Variants in SIL1 observed in about 807,000 individuals in gnomAD.
The protein encoded by SIL1 is nucleotide exchange factor SIL1.
Under a neutral mutation model 49.1 loss-of-function variants are expected in SIL1, and 40 were observed. The observed-to-expected ratio is 0.81, with a 90% CI of 0.63 to 1.06. The LOEUF (loss-of-function observed/expected upper bound fraction) is 1.06, where lower values mean the gene tolerates loss of function less well. Ranked by LOEUF, SIL1 falls within the 50% of genes least tolerant of loss-of-function variation. The probability of loss-of-function intolerance (pLI) is 0.00; values close to 1 mark genes in which losing one functional copy is unlikely to be tolerated. For synonymous variants in SIL1, 253 were observed against 250.8 expected, an observed-to-expected ratio of 1.01 and a Z score of -0.08; for missense variants, 500 against 572.6, an observed-to-expected ratio of 0.87 and a Z score of 1.29.
intron 7 of SIL1, among the ~76,000 whole-genome samples, chr5:138,954,494 C>A (rs578165095): frequency 6.6e-6 from 1 of 152,232 alleles, no homozygotes; most frequent in African/African-American, 2.4e-5. Context: ...AAAAGGCCAC[C>A]CTGTGAAGTG....
Position 139,051,873 on chromosome 5 carries a change from A to C in SIL1, c.245-827T>G, listed in dbSNP as rs544202081. Reference sequence around the variant, plus strand: ...CAACTGTGCAGTAGCACATACTACAAATGGAATGCTACACACATTCATTCA... The same window carrying C: ...CAACTGTGCAGTAGCACATACTACACATGGAATGCTACACACATTCATTCA... On this transcript the variant is annotated intron_variant, in intron 3 of 9. Transcript: ENST00000394817. Among the ~76,000 whole-genome samples, 151 of 152,362 alleles carry C rather than the reference A, an allele frequency of 9.9e-4. 2 individuals carry two copies. Among genetic ancestry groups the C allele is most frequent in the African/African-American group, 3.4e-3 (142 of 41,588 alleles).
At chr5:139,050,046 TAA>T (rs1431863993) in intron 4 of SIL1, among the ~76,000 whole-genome samples, 3 of 152,238 alleles carry the variant, frequency 2.0e-5, no homozygotes, top group Non-Finnish European at 2.9e-5. Context: ...TGTGTCCCAT[TAA>T]AACTTTATTT....
chr5:138,951,207 G>A lies in SIL1; in HGVS notation c.993C>T (p.Arg331=), dbSNP rs201009798. The A allele has an allele frequency of 6.2e-5, 100 of 1,610,260 alleles. 1 individual carries two copies. The highest frequency in any genetic ancestry group is 6.3e-5 in the Non-Finnish European group (74 of 1,178,366). The part of the protein sequence containing the change: ...QEKGTEVLAV[R]VVTLLYDLVT... ...CCAGGTCGTAGAGCAGTGTGACCAC[G>A]CGCACGGCGAGCACCTCCGTGCCCT... The change falls in exon 9 of 10, where the codon CGC becomes CGT. Residue 331 remains arginine, a synonymous_variant. Transcript: ENST00000394817.
At chr5:138,949,815 A>G (rs79147191) in intron 9 of SIL1, among the ~76,000 whole-genome samples, 1 of 151,068 alleles carries the variant, frequency 6.6e-6, no homozygotes, top group African/African-American at 2.4e-5. Context: ...AAAAAAAAAA[A>G]AGAAAAAAGA....
chr5:139,148,087 C>T (rs1406202053), intron 1 of SIL1, among the ~76,000 whole-genome samples: 7 of 150,540 alleles, frequency 4.6e-5, no homozygotes, highest in Non-Finnish European at 7.4e-5. Flanking sequence ...CCAAACCAGA[C>T]TACAATTTAT....
chr5:139,161,699 A>G (rs1751517062), intron 1 of SIL1, among the ~76,000 whole-genome samples: 1 of 152,102 alleles, frequency 6.6e-6, no homozygotes, highest in South Asian at 2.1e-4. Flanking sequence ...AGGAGCTTGG[A>G]GCACTTCCCT....
At chr5:138,976,467 C>T (rs1268739424) in intron 7 of SIL1, among the ~76,000 whole-genome samples, 1 of 152,064 alleles carries the variant, frequency 6.6e-6, no homozygotes, top group Non-Finnish European at 1.5e-5. Flanking sequence ...CACGCGCCAC[C>T]ATACCTGGCT....
intron 7 of SIL1, among the ~76,000 whole-genome samples, chr5:138,972,735 C>A (rs1044513580): frequency 6.6e-6 from 1 of 152,244 alleles, no homozygotes; most frequent in African/African-American, 2.4e-5. Flanking sequence ...CAGCAACTAA[C>A]CTTTTTCTTC....
rs557387536 is a variant in SIL1, at chr5:138,948,093, G to A, written c.1030-620C>T. Among the ~76,000 whole-genome samples the A allele has an allele frequency of 4.1e-4, 63 of 152,336 alleles. No individual in the cohort carries two copies. Among genetic ancestry groups the A allele is most frequent in the African/African-American group, 1.5e-3 (61 of 41,576 alleles). On this transcript the variant is annotated intron_variant, in intron 9 of 9. Transcript: ENST00000394817. The surrounding 1 kb of genome is among the most constrained non-coding windows in gnomAD (Gnocchi z 4.8). ...TCTCCCGTGCAGCTGTAGGAAGTGT[G>A]CCTGTATGGAGAAAGAAGGAATGCC...
chr5:139,012,497 ACTT>A (rs1768302225), intron 7 of SIL1: 1 of 152,188 alleles, frequency 6.6e-6, no homozygotes, highest in Non-Finnish European at 1.5e-5. Context: ...TTTTCAGCAT[ACTT>A]CTTCTCTAAA....
chr5:139,023,304 A>G (rs1197703731), intron 6 of SIL1, among the ~76,000 whole-genome samples: 4 of 152,154 alleles, frequency 2.6e-5, no homozygotes, highest in African/African-American at 9.7e-5. Context: ...TGGGGCCAAA[A>G]CTGTTCTCAG....
chr5:139,186,289 G>A (rs1752076565), intron 1 of SIL1, among the ~76,000 whole-genome samples: 1 of 152,176 alleles, frequency 6.6e-6, no homozygotes, highest in South Asian at 2.1e-4. Flanking sequence ...ACTACCCACA[G>A]AAAATCATAG....
chr5:138,996,513 A>ATTTTTTT (rs140943492), intron 7 of SIL1, among the ~76,000 whole-genome samples: 9 of 89,914 alleles, frequency 1.0e-4, no homozygotes, highest in Non-Finnish European at 1.4e-4. Flanking sequence ...TGCTGTGCAG[A>ATTTTTTT]TTTTTTTTTT....
chr5:138,984,520 G>C (rs1358787436), intron 7 of SIL1, among the ~76,000 whole-genome samples: 2 of 151,918 alleles, frequency 1.3e-5, no homozygotes, highest in Admixed American at 1.3e-4. Context: ...CACCATGCCT[G>C]GCTAATTTTT....
At chr5:139,196,321 C>T (rs760331433) in intron 1 of SIL1, 4 of 152,236 alleles carry the variant, frequency 2.6e-5, no homozygotes, top group Non-Finnish European at 4.4e-5. Context: ...ACAGCCAAAT[C>T]ACTTAGGCAC....
At chr5:139,118,913 C>G (rs781333891) in intron 3 of SIL1, among the ~76,000 whole-genome samples, 1 of 152,192 alleles carries the variant, frequency 6.6e-6, no homozygotes, top group Non-Finnish European at 1.5e-5. Context: ...ACCTAACCTC[C>G]CCTCACCAGT....
At chr5:139,195,707 T>C (rs1481434391) in intron 1 of SIL1, among the ~76,000 whole-genome samples, 1 of 152,198 alleles carries the variant, frequency 6.6e-6, no homozygotes, top group African/African-American at 2.4e-5. Context: ...TGTTATGTAG[T>C]GGTACATTGA....
chr5:139,137,193 C>A, intron 1 of SIL1: 1 of 582,054 alleles, frequency 1.7e-6, no homozygotes, highest in South Asian at 2.2e-5. Flanking sequence ...TAATTATAGT[C>A]AACATTTATA....
chr5:139,036,610 A>G (rs1768916376), intron 5 of SIL1, among the ~76,000 whole-genome samples: 2 of 152,176 alleles, frequency 1.3e-5, no homozygotes, highest in African/African-American at 4.8e-5. Context: ...AAAACCAAAT[A>G]CCACATGTTC....
Sources: gnomAD v4.1 joint callset for allele counts (sites outside exome capture counted in the v4.1 genomes callset) on GRCh38, gnomAD v4.1.1 for gene constraint, Gnocchi (gnomAD v3.1) non-coding constraint, MANE v1.5 for transcripts, NCBI Gene and HGNC (gene_info 2026-07-23, HGNC 2026-07-21) for gene names.